TRIQK: variants seen among roughly 807,000 people sequenced by gnomAD.
TRIQK encodes triple QxxK/R motif containing.
Under a neutral mutation model 10.8 loss-of-function variants are expected in TRIQK, and 10 were observed. The observed-to-expected ratio is 0.92, with a 90% CI of 0.57 to 1.57. The LOEUF is 1.57. Ranked by LOEUF, TRIQK falls within the 40% of genes most tolerant of loss-of-function variation. The probability of loss-of-function intolerance (pLI) is 0.00; values close to 1 mark genes in which losing one functional copy is unlikely to be tolerated. For synonymous variants in TRIQK, 33 were observed against 33.7 expected, an observed-to-expected ratio of 0.98 and a Z score of 0.07; for missense variants, 107 against 97.7, an observed-to-expected ratio of 1.09 and a Z score of -0.40.
At chr8:92,925,971 T>C (rs1339432590) in intron 2 of TRIQK, among the ~76,000 whole-genome samples, 1 of 152,050 alleles carries the variant, frequency 6.6e-6, no homozygotes, top group Non-Finnish European at 1.5e-5. Context: ...TCCCAGCTAC[T>C]AGGGAGGCTG....
At chr8:92,988,579 C>A (rs1813062323) in intron 1 of TRIQK, among the ~76,000 whole-genome samples, 1 of 152,098 alleles carries the variant, frequency 6.6e-6, no homozygotes, top group South Asian at 2.1e-4. Flanking sequence ...CACTCATCTC[C>A]TAAATTATTT....
intron 2 of TRIQK, among the ~76,000 whole-genome samples, chr8:92,917,642 A>C (rs1809936960): frequency 6.6e-6 from 1 of 151,992 alleles, no homozygotes; most frequent in Non-Finnish European, 1.5e-5. Flanking sequence ...GGATATATGT[A>C]ATATTTTGAT....
At chr8:92,983,991 C>T (rs1813009037) in intron 1 of TRIQK, among the ~76,000 whole-genome samples, 2 of 152,034 alleles carry the variant, frequency 1.3e-5, no homozygotes, top group African/African-American at 2.4e-5. Context: ...TCACTCCGAC[C>T]TCTCCAAGTT....
At chr8:92,900,842 T>TTTAGCAATTTAGCAATA in intron 3 of TRIQK, among the ~76,000 whole-genome samples, 1 of 152,160 alleles carries the variant, frequency 6.6e-6, no homozygotes, top group Admixed American at 6.5e-5. Flanking sequence ...GGATAAACAA[T>TTTAGCAATTTAGCAATA]TTAGCAATAT....
rs114168244 is a variant in TRIQK, at chr8:92,912,971, A to G, written c.61+3958T>C. ...AACTCATTTTATAAAGCTAGCCAGC[A>G]TTACCTTGATTTGAAAGCCAAAGAC... is the stretch of plus-strand genomic sequence containing the variant. On this transcript the variant is annotated intron_variant, in intron 3 of 4. Transcript: ENST00000521988. Among the ~76,000 whole-genome samples the G allele has an allele frequency of 9.5e-3, 1,443 of 152,242 alleles. 19 individuals are homozygous for G. Among genetic ancestry groups the G allele is most frequent in the African/African-American group, 0.033 (1,376 of 41,562 alleles).
rs1179024793 is a variant in TRIQK at position 92,883,928 on chromosome 8, T to G, written c.*2694A>C. ...TCTCATCTCAAATAAATTTATACAT[T>G]CTTTACCCTGTCTAAACTTGCATGC... On this transcript the variant is annotated 3_prime_UTR_variant, in exon 5 of 5. Coordinates refer to ENST00000521988, the MANE Select transcript of TRIQK (RefSeq NM_001171797.2). The G allele has an allele frequency of 6.6e-6, 1 of 151,762 alleles. No homozygotes were observed. The highest frequency in any genetic ancestry group is 1.5e-5 in the Non-Finnish European group (1 of 67,814). The allele number at this position is 151,762 out of a possible 1,614,324, so 9.4% of individuals were successfully genotyped here.
At chr8:92,987,259 T>C (rs2130747494) in intron 1 of TRIQK, among the ~76,000 whole-genome samples, 1 of 152,314 alleles carries the variant, frequency 6.6e-6, no homozygotes, top group Middle Eastern at 3.4e-3. Context: ...GCCTCTACCT[T>C]GTAGTACAGT....
intron 1 of TRIQK, among the ~76,000 whole-genome samples, chr8:92,978,000 T>G (rs747461074): frequency 2.0e-5 from 3 of 152,150 alleles, no homozygotes; most frequent in Non-Finnish European, 4.4e-5. Flanking sequence ...TCTTATGGAT[T>G]TTTCTCTCTG....
At chr8:92,909,845 A>C (rs577340074) in intron 3 of TRIQK, among the ~76,000 whole-genome samples, 1 of 151,814 alleles carries the variant, frequency 6.6e-6, no homozygotes, top group South Asian at 2.1e-4. Context: ...AAGTGGTTGT[A>C]TCCAAGGTAC....
In TRIQK at chr8:92,936,390, T is replaced by G. The variant is rs183607735; in HGVS notation, c.-22+18016A>C. 5.9e-3 allele frequency among the ~76,000 whole-genome samples: 895 copies of G among 151,398 alleles called. 14 individuals are homozygous for G. The highest frequency in any genetic ancestry group is 0.019 in the African/African-American group (802 of 41,394). Reference sequence around the variant, plus strand: ...GAAAATACTGACAGACCTCAATCAATACAGAAAAATAAAAGTTACATTCAA... The same window carrying G: ...GAAAATACTGACAGACCTCAATCAAGACAGAAAAATAAAAGTTACATTCAA... On this transcript the variant is annotated intron_variant, in intron 2 of 4. Coordinates refer to ENST00000521988, the MANE Select transcript of TRIQK (RefSeq NM_001171797.2).
At chr8:92,897,665 G>A (rs1054709522) in intron 3 of TRIQK, among the ~76,000 whole-genome samples, 7 of 152,014 alleles carry the variant, frequency 4.6e-5, no homozygotes, top group African/African-American at 1.7e-4. Context: ...CCAGTCTCAG[G>A]TATTCTGTTA....
At chr8:92,964,300 T>C (rs1013398362) in intron 1 of TRIQK, among the ~76,000 whole-genome samples, 1 of 151,992 alleles carries the variant, frequency 6.6e-6, no homozygotes, top group Non-Finnish European at 1.5e-5. Context: ...CCTAAAGAAG[T>C]TGAACAAAAA....
chr8:92,964,860 T>A (rs559447768), intron 1 of TRIQK: 1 of 152,298 alleles, frequency 6.6e-6, no homozygotes, highest in South Asian at 2.1e-4. Context: ...AGGACAAACA[T>A]TTCTTAACCA....
At chr8:92,936,826 A>G (rs1811011055) in intron 2 of TRIQK, among the ~76,000 whole-genome samples, 1 of 151,824 alleles carries the variant, frequency 6.6e-6, no homozygotes, top group South Asian at 2.1e-4. Flanking sequence ...TAAAGTTTAT[A>G]TATAAAATTC....
intron 1 of TRIQK, among the ~76,000 whole-genome samples, chr8:93,011,140 T>C (rs1813327826): frequency 6.6e-6 from 1 of 151,374 alleles, no homozygotes; most frequent in Non-Finnish European, 1.5e-5. Flanking sequence ...TCATATGATC[T>C]TAATAAACTG....
chr8:92,901,508 G>A (rs1022314574), intron 3 of TRIQK, among the ~76,000 whole-genome samples: 2 of 152,050 alleles, frequency 1.3e-5, no homozygotes, highest in Non-Finnish European at 2.9e-5. Context: ...AATGATCATA[G>A]GGTTTTTGTC....
intron 2 of TRIQK, among the ~76,000 whole-genome samples, chr8:92,949,659 AAAG>A (rs1272771016): frequency 1.0e-5 from 1 of 100,040 alleles, no homozygotes; most frequent in African/African-American, 5.1e-5. Flanking sequence ...AAAGGGAAGG[AAAG>A]AAAGAGAAGG....
chr8:92,934,773 C>T (rs1021623952), intron 2 of TRIQK, among the ~76,000 whole-genome samples: 1 of 151,728 alleles, frequency 6.6e-6, no homozygotes, highest in Non-Finnish European at 1.5e-5. Flanking sequence ...GCAAATTATG[C>T]TTTTAAAATA....
At chr8:92,913,410 C>T (rs1809668252) in intron 3 of TRIQK, among the ~76,000 whole-genome samples, 1 of 152,026 alleles carries the variant, frequency 6.6e-6, no homozygotes, top group South Asian at 2.1e-4. Context: ...AAATCAAAAC[C>T]ACAGTGAGAC....
Sources: gnomAD v4.1 joint callset for allele counts (sites outside exome capture counted in the v4.1 genomes callset) on GRCh38, gnomAD v4.1.1 for gene constraint, MANE v1.5 for transcripts, NCBI Gene and HGNC (gene_info 2026-07-23, HGNC 2026-07-21) for gene names.